The following EXOC6B variants were observed in gnomAD, a reference collection of about 807,000 sequenced individuals.
EXOC6B encodes the protein SEC15 homolog B.
EXOC6B carries 54 observed loss-of-function variants against 113.5 expected under a neutral mutation model. That is an observed-to-expected ratio of 0.48 (90% CI 0.38 to 0.60). EXOC6B has a LOEUF of 0.60. Among genes scored for constraint, EXOC6B ranks in the 20% least tolerant of loss-of-function variants. The probability of loss-of-function intolerance (pLI) is 0.00; values close to 1 mark genes in which losing one functional copy is unlikely to be tolerated. For synonymous variants in EXOC6B, 357 were observed against 339.0 expected (o/e 1.05, Z -0.58); for missense variants, 797 against 977.5 (o/e 0.82, Z 2.46).
intron 18 of EXOC6B, among the ~76,000 whole-genome samples, chr2:72,385,555 ACAAT>A (rs1691963862): frequency 6.6e-6 from 1 of 152,146 alleles, no homozygotes; most frequent in African/African-American, 2.4e-5. Flanking sequence ...AGCAAAGGAA[ACAAT>A]CAAAAGTGTG....
chr2:72,401,584 T>C (rs1030056612), intron 18 of EXOC6B, among the ~76,000 whole-genome samples: 341 of 17,606 alleles, frequency 0.019, 29 homozygotes, highest in Middle Eastern at 0.048. Context: ...TATATATACA[T>C]ATATATATAT....
At chr2:72,226,573 T>C (rs1249526011) in intron 20 of EXOC6B, among the ~76,000 whole-genome samples, 1 of 152,196 alleles carries the variant, frequency 6.6e-6, no homozygotes, top group Non-Finnish European at 1.5e-5. Context: ...GAAAGTAAAG[T>C]TGTACTCTTA....
chr2:72,591,204 T>C (rs1036430504), intron 6 of EXOC6B, among the ~76,000 whole-genome samples: 1 of 152,110 alleles, frequency 6.6e-6, no homozygotes, highest in Non-Finnish European at 1.5e-5. Context: ...TATGTGATTT[T>C]TAAATGTCTT....
intron 20 of EXOC6B, among the ~76,000 whole-genome samples, chr2:72,205,097 A>T (rs1679754433): frequency 6.6e-6 from 1 of 151,482 alleles, no homozygotes; most frequent in Admixed American, 6.6e-5. Context: ...TACTTTTGCC[A>T]GAGAGAGAGA....
At chr2:72,462,004 G>A (rs1354697161) in intron 18 of EXOC6B, 2 of 151,938 alleles carry the variant, frequency 1.3e-5, no homozygotes, top group Admixed American at 1.3e-4. Context: ...ATTTCAGAAT[G>A]ATTTCATTAA....
chr2:72,539,913 C>T (rs1271016246), intron 8 of EXOC6B, among the ~76,000 whole-genome samples: 1 of 150,830 alleles, frequency 6.6e-6, no homozygotes, highest in African/African-American at 2.4e-5. Flanking sequence ...CGTCATTTAG[C>T]ATTAGGTATA....
intron 18 of EXOC6B, among the ~76,000 whole-genome samples, chr2:72,435,676 A>C (rs1695809455): frequency 6.6e-6 from 1 of 150,684 alleles, no homozygotes; most frequent in Non-Finnish European, 1.5e-5. Flanking sequence ...TTGTTGGTTT[A>C]AATTCTGTTT....
chr2:72,628,824 G>A (rs887699106), intron 6 of EXOC6B, among the ~76,000 whole-genome samples: 9 of 152,076 alleles, frequency 5.9e-5, no homozygotes, highest in Non-Finnish European at 1.2e-4. Context: ...CATACAGTAC[G>A]TTGTTACAAG....
At chr2:72,310,884 C>CACAT (rs1553372181) in intron 20 of EXOC6B, among the ~76,000 whole-genome samples, 9,385 of 149,376 alleles carry the variant, frequency 0.063, 995 homozygotes, top group African/African-American at 0.21. Flanking sequence ...CACACACACA[C>CACAT]ACACAGAGCT....
At chr2:72,408,421 C>G (rs1173427077) in intron 18 of EXOC6B, among the ~76,000 whole-genome samples, 2 of 152,042 alleles carry the variant, frequency 1.3e-5, no homozygotes, top group Admixed American at 6.6e-5. Context: ...ACTCCTAAGC[C>G]AAAAGAACAA....
At chr2:72,477,666 T>C (rs1007101879) in intron 17 of EXOC6B, among the ~76,000 whole-genome samples, 1 of 152,248 alleles carries the variant, frequency 6.6e-6, no homozygotes, top group Middle Eastern at 3.2e-3. Flanking sequence ...GTATTTATGA[T>C]GGCCTACAAG....
intron 20 of EXOC6B, among the ~76,000 whole-genome samples, chr2:72,262,186 A>T (rs1168314078): frequency 1.3e-5 from 2 of 152,126 alleles, no homozygotes; most frequent in Non-Finnish European, 2.9e-5. Flanking sequence ...AGGATCAAGA[A>T]CTTCCTTCAC....
intron 20 of EXOC6B, among the ~76,000 whole-genome samples, chr2:72,285,577 C>G (rs770101392): frequency 1.3e-4 from 19 of 151,936 alleles, no homozygotes; most frequent in Admixed American, 3.9e-4. Context: ...TTGGAATTAG[C>G]AATGACTTCT....
At chr2:72,818,950 C>T (rs1184303308) in intron 1 of EXOC6B, among the ~76,000 whole-genome samples, 1 of 152,160 alleles carries the variant, frequency 6.6e-6, no homozygotes, top group Non-Finnish European at 1.5e-5. Flanking sequence ...TAACATTAAT[C>T]GCTAAATAGC....
chr2:72,549,285 T>C (rs541006893), intron 8 of EXOC6B, among the ~76,000 whole-genome samples: 6 of 152,240 alleles, frequency 3.9e-5, no homozygotes, highest in Admixed American at 2.0e-4. Flanking sequence ...GATTTGTATG[T>C]TGAATAGATT....
chr2:72,586,597 C>T (rs889035949), intron 6 of EXOC6B, among the ~76,000 whole-genome samples: 1 of 151,792 alleles, frequency 6.6e-6, no homozygotes, highest in Non-Finnish European at 1.5e-5. Flanking sequence ...TAAAAAAATA[C>T]AAAAATTTGC....
At chr2:72,273,674 T>A (rs55842272) in intron 20 of EXOC6B, among the ~76,000 whole-genome samples, 8,212 of 152,154 alleles carry the variant, frequency 0.054, 360 homozygotes, top group Middle Eastern at 0.14. Context: ...ACATTTGATG[T>A]GGATATACCA....
intron 6 of EXOC6B, among the ~76,000 whole-genome samples, chr2:72,668,577 T>G (rs916018107): frequency 1.3e-5 from 2 of 152,216 alleles, no homozygotes; most frequent in African/African-American, 4.8e-5. Context: ...CGTGGAATGC[T>G]ATGCAGCCAT....
chr2:72,207,389 G>A (rs1351294532), intron 20 of EXOC6B, among the ~76,000 whole-genome samples: 1 of 152,108 alleles, frequency 6.6e-6, no homozygotes, highest in Non-Finnish European at 1.5e-5. Context: ...TTGTGAACTT[G>A]GGCAAATCAT....
Sources: allele counts gnomAD v4.1 joint callset (sites outside exome capture counted in the v4.1 genomes callset), GRCh38; gene constraint gnomAD v4.1.1; transcripts MANE v1.5; gene names NCBI Gene and HGNC (gene_info 2026-07-23, HGNC 2026-07-21).